LRRC36: variants seen among roughly 807,000 people sequenced by gnomAD.
LRRC36 encodes leucine-rich repeat-containing protein 36.
Under a neutral mutation model 81.1 loss-of-function variants are expected in LRRC36, and 62 were observed. That is an observed-to-expected ratio of 0.76 (90% CI 0.62 to 0.94). LRRC36 has a LOEUF of 0.94. Among genes scored for constraint, LRRC36 ranks in the 40% least tolerant of loss-of-function variants. The pLI, the probability that LRRC36 is intolerant of heterozygous loss-of-function variation, is 0.00. For missense variants in LRRC36, 761 were observed against 881.7 expected (o/e 0.86, Z 1.73); for synonymous variants, 334 against 348.6 (o/e 0.96, Z 0.47).
At chr16:67,328,511 T>G (rs999793977) in intron 1 of LRRC36, among the ~76,000 whole-genome samples, 2 of 151,992 alleles carry the variant, frequency 1.3e-5, no homozygotes, top group African/African-American at 2.4e-5. Context: ...AGACTCCGTC[T>G]CGAAAAAATA....
In LRRC36 at chr16:67,345,046, T is replaced by G. The variant is rs144467608; in HGVS notation, c.199-1210T>G. ...TATATGATTAACCAGGCACAGTGGC[T>G]CATGCCTGTAATCCCAACACTTTGG... On this transcript the variant is annotated intron_variant, in intron 2 of 13. Transcript: ENST00000329956. Among the ~76,000 whole-genome samples the G allele has an allele frequency of 2.4e-3, 364 of 152,174 alleles. 2 individuals are homozygous for G. The highest frequency in any genetic ancestry group is 0.01 in the Middle Eastern group (3 of 294).
Position 67,367,473 on chromosome 16 carries a change from C to T in LRRC36, c.1195+16C>T. 2 of 1,597,042 alleles carry T rather than the reference C, an allele frequency of 1.3e-6. No homozygotes were observed. The highest frequency in any genetic ancestry group is 8.5e-7 in the Non-Finnish European group (1 of 1,171,636). ...CTTAGTTCAGGTAACAGCTTCCTGT[C>T]AGTTTACAGGTCTTCTTCATAGGCA... On this transcript the variant is annotated intron_variant, in intron 8 of 13. Coordinates refer to ENST00000329956, the MANE Select transcript of LRRC36 (RefSeq NM_018296.6).
intron 5 of LRRC36, among the ~76,000 whole-genome samples, chr16:67,356,832 T>G: frequency 6.6e-6 from 1 of 152,166 alleles, no homozygotes. Context: ...GGAAAAGGTA[T>G]TCAATGTAGA....
At chr16:67,378,281 C>T (rs141348773) in intron 11 of LRRC36, among the ~76,000 whole-genome samples, 16 of 137,728 alleles carry the variant, frequency 1.2e-4, no homozygotes, top group Admixed American at 3.6e-4. Flanking sequence ...GCTCTGTTGC[C>T]CAGGCTGGAG....
In LRRC36 at chr16:67,347,550, G is replaced by A. The variant is rs371111028; in HGVS notation, c.447G>A (p.Gln149=). The A allele has an allele frequency of 4.7e-5, 75 of 1,612,886 alleles. No homozygotes were observed. The highest frequency in any genetic ancestry group is 4.3e-4 in the South Asian group (39 of 91,072). Reference sequence around the variant, plus strand: ...AAGCTGCCAAGCTGCATTTTAGTCAGTTGGGCAACAGTGAAAATTTTCTTT... The same window carrying A: ...AAGCTGCCAAGCTGCATTTTAGTCAATTGGGCAACAGTGAAAATTTTCTTT... ...ERKAAKLHFS[Q]LGNSENFLLE... Residue 149 remains glutamine (Q), a synonymous_variant, in exon 4 of 14, where the codon CAG becomes CAA. Transcript: ENST00000329956.
At chr16:67,330,843 C>T (rs557559367) in intron 1 of LRRC36, among the ~76,000 whole-genome samples, 15 of 151,942 alleles carry the variant, frequency 9.9e-5, no homozygotes, top group South Asian at 4.2e-4. Context: ...TCAGCCTGGA[C>T]GAAAGACTGA....
chr16:67,378,703 C>T lies in LRRC36; in HGVS notation c.1921C>T (p.His641Tyr), dbSNP rs748839489. The stretch of plus-strand genomic sequence containing the variant: ...CTCAATTGTGAGTGGGCAACAGTCA[C>T]ATACTTATGGTAAGTTGAGGAAAGC... ...AISIVSGQQS[H>Y]TYDDLLHKNQ... Residue 641 changes from histidine (H) to tyrosine (Y), a missense_variant, in exon 12 of 14, where the codon CAT becomes TAT. Around this residue, in one of 3 missense-constraint regions of LRRC36, gnomAD observed 359 missense variants for 388.4 expected, o/e 0.92. Transcript: ENST00000329956. 2.5e-6 allele frequency: 4 copies of T among 1,613,930 alleles called. No individual in the cohort carries two copies. The African/African-American group carries it at 5.3e-5, about 22-fold the overall frequency.
intron 13 of LRRC36, among the ~76,000 whole-genome samples, 161 bp downstream of exon 13, chr16:67,382,408 T>G (rs1216690277): frequency 6.6e-6 from 1 of 152,194 alleles, no homozygotes; most frequent in Non-Finnish European, 1.5e-5. Flanking sequence ...ATTATAAAAA[T>G]TACTGCTTCC....
At chr16:67,350,174 G>A in intron 4 of LRRC36, 28 bp from the exon 5 acceptor site, 3 of 1,385,094 alleles carry the variant, frequency 2.2e-6, no homozygotes, top group African/African-American at 1.6e-5. Context: ...TTTTTTTTGA[G>A]TTGTAAATAA....
At chr16:67,331,007 A>G (rs1267690486) in intron 1 of LRRC36, among the ~76,000 whole-genome samples, 1 of 151,288 alleles carries the variant, frequency 6.6e-6, no homozygotes, top group Non-Finnish European at 1.5e-5. Flanking sequence ...TGGTGCCAAC[A>G]TCTGGTGAGG....
intron 5 of LRRC36, among the ~76,000 whole-genome samples, chr16:67,360,321 G>A (rs1024300705): frequency 6.6e-6 from 1 of 152,040 alleles, no homozygotes; most frequent in Non-Finnish European, 1.5e-5. Context: ...AAGTTCAGGC[G>A]GTAGGGGATT....
chr16:67,375,517 C>A, intron 10 of LRRC36, 105 bp downstream of exon 10: 1 of 890,062 alleles, frequency 1.1e-6, no homozygotes, highest in Non-Finnish European at 1.6e-6. Context: ...GAAAGTTGTT[C>A]TCATGATCAC....
chr16:67,356,430 G>A (rs1021469730), intron 5 of LRRC36, among the ~76,000 whole-genome samples: 3 of 152,204 alleles, frequency 2.0e-5, no homozygotes, highest in African/African-American at 7.2e-5. Context: ...AAATCCAGAT[G>A]TTGACAGTCT....
chr16:67,331,084 AGAGAG>A (rs1173270306), intron 1 of LRRC36, among the ~76,000 whole-genome samples: 1 of 148,916 alleles, frequency 6.7e-6, no homozygotes. Context: ...AGAGAGAGAG[AGAGAG>A]AGAGAGAGAG....
intron 1 of LRRC36, among the ~76,000 whole-genome samples, chr16:67,327,759 T>C (rs1017798278): frequency 6.6e-6 from 1 of 152,170 alleles, no homozygotes; most frequent in Non-Finnish European, 1.5e-5. Context: ...AGAGGTTGTA[T>C]AGAGGAAGAA....
At chr16:67,350,884 C>G (rs1200106654) in intron 5 of LRRC36, among the ~76,000 whole-genome samples, 1 of 152,010 alleles carries the variant, frequency 6.6e-6, no homozygotes, top group East Asian at 1.9e-4. Flanking sequence ...ACTAAAAATA[C>G]AAAATTAGCC....
chr16:67,350,155 G>A (rs1567477882), intron 4 of LRRC36, 47 bp from the exon 5 acceptor site: 1 of 1,186,428 alleles, frequency 8.4e-7, no homozygotes, highest in African/African-American at 2.0e-5. Context: ...GATCTCAGAA[G>A]CCTTTTTTTT....
intron 2 of LRRC36, among the ~76,000 whole-genome samples, chr16:67,343,197 A>G (rs2038174674): frequency 6.6e-6 from 1 of 152,168 alleles, no homozygotes; most frequent in Non-Finnish European, 1.5e-5. Flanking sequence ...AAATTAAGTG[A>G]ACATTGCTGT....
intron 9 of LRRC36, among the ~76,000 whole-genome samples, chr16:67,373,782 G>T (rs1341376259): frequency 6.6e-6 from 1 of 150,692 alleles, no homozygotes; most frequent in African/African-American, 2.4e-5. Flanking sequence ...CGAGGCCAAG[G>T]CAGGCAGATC....
Sources: allele counts gnomAD v4.1 joint callset (sites outside exome capture counted in the v4.1 genomes callset), GRCh38; gene constraint gnomAD v4.1.1; regional missense constraint gnomAD v4.1.1; transcripts MANE v1.5; gene names NCBI Gene and HGNC (gene_info 2026-07-23, HGNC 2026-07-21).